Variants in LDAH observed in about 807,000 individuals in gnomAD.
The protein encoded by LDAH is lipid droplet associated hydrolase, also known as lipid droplet-associated hydrolase.
LDAH carries 26 observed loss-of-function variants against 29.6 expected under a neutral mutation model. That is an observed-to-expected ratio of 0.88 (90% confidence interval 0.64 to 1.22). The LOEUF is 1.22. Among genes scored for constraint, LDAH ranks in the 50% most tolerant of loss-of-function variants. The probability of loss-of-function intolerance (pLI) is 0.00; values close to 1 mark genes in which losing one functional copy is unlikely to be tolerated. For missense variants in LDAH, 344 were observed against 387.3 expected, an observed-to-expected ratio of 0.89 and a Z score of 0.94; for synonymous variants, 117 against 133.0, an observed-to-expected ratio of 0.88 and a Z score of 0.83.
At chr2:20,802,056 T>A (rs1014519749) in intron 1 of LDAH, among the ~76,000 whole-genome samples, 1 of 151,582 alleles carries the variant, frequency 6.6e-6, no homozygotes, top group Non-Finnish European at 1.5e-5. Flanking sequence ...TCTATCTATA[T>A]ACACACACAA....
At chr2:20,779,340 G>C (rs899751368) in intron 3 of LDAH, among the ~76,000 whole-genome samples, 2 of 152,044 alleles carry the variant, frequency 1.3e-5, no homozygotes, top group Non-Finnish European at 2.9e-5. Flanking sequence ...ACACATACTA[G>C]GGCTGTTGAG....
intron 4 of LDAH, among the ~76,000 whole-genome samples, chr2:20,768,979 T>C (rs1226871197): frequency 6.6e-6 from 1 of 152,134 alleles, no homozygotes; most frequent in Non-Finnish European, 1.5e-5. Context: ...CTTTCTGCTG[T>C]CCAGAAAATG....
At chr2:20,785,801 T>C (rs1284721979) in intron 3 of LDAH, among the ~76,000 whole-genome samples, 1 of 152,126 alleles carries the variant, frequency 6.6e-6, no homozygotes, top group Non-Finnish European at 1.5e-5. Context: ...TCCAGCCTGC[T>C]GGTGAGTCCA....
At chr2:20,688,828 C>CTTTTT (rs57543886) in intron 6 of LDAH, among the ~76,000 whole-genome samples, 14 of 111,996 alleles carry the variant, frequency 1.3e-4, no homozygotes, top group Non-Finnish European at 1.8e-4. Flanking sequence ...TGGAGGTTTC[C>CTTTTT]TTTTTTTTTT....
At chr2:20,737,506 T>C (rs560362973) in intron 5 of LDAH, among the ~76,000 whole-genome samples, 9 of 152,328 alleles carry the variant, frequency 5.9e-5, no homozygotes, top group African/African-American at 2.2e-4. Flanking sequence ...GAGTTTTACA[T>C]ATATTTGCCA....
intron 5 of LDAH, among the ~76,000 whole-genome samples, chr2:20,736,838 A>G (rs567280066): frequency 6.6e-6 from 1 of 152,256 alleles, no homozygotes; most frequent in South Asian, 2.1e-4. Context: ...TTTTAGTTCA[A>G]GATGGTATTT....
At chr2:20,725,243 T>A (rs1056874464) in intron 5 of LDAH, among the ~76,000 whole-genome samples, 2 of 152,186 alleles carry the variant, frequency 1.3e-5, no homozygotes, top group Non-Finnish European at 2.9e-5. Context: ...AGGAGAATAA[T>A]CATTAGTAAG....
At chr2:20,765,995 A>G (rs1193892365) in intron 4 of LDAH, among the ~76,000 whole-genome samples, 1 of 152,012 alleles carries the variant, frequency 6.6e-6, no homozygotes, top group Non-Finnish European at 1.5e-5. Flanking sequence ...TCCTCCATAT[A>G]TCTACCCCTT....
chr2:20,740,029 T>C lies in LDAH; in HGVS notation c.645A>G (p.Gln215=). Residue 215 remains glutamine, a synonymous_variant, in exon 5 of 7, where the codon CAA becomes CAG. Transcript: ENST00000237822. ...IKSLLIRRGL[Q]VMNLENEFSP... ...AAAATTCATTCTCTAGGTTCATTAC[T>C]TGAAGGCCCCTTCTGATTAGCAAGG... 1 of 1,614,136 alleles carries C rather than the reference T, an allele frequency of 6.2e-7. No individual in the cohort carries two copies. Among genetic ancestry groups the C allele is most frequent in the South Asian group, 1.1e-5 (1 of 91,082 alleles).
intron 3 of LDAH, among the ~76,000 whole-genome samples, chr2:20,783,494 T>C (rs188078820): frequency 2.6e-5 from 4 of 152,332 alleles, no homozygotes; most frequent in African/African-American, 7.2e-5. Context: ...TTGTTAAGGA[T>C]TGTTATGTTT....
intron 6 of LDAH, among the ~76,000 whole-genome samples, chr2:20,688,038 C>T (rs947691396): frequency 1.3e-5 from 2 of 152,232 alleles, no homozygotes; most frequent in Non-Finnish European, 1.5e-5. Context: ...TTCATTCAGA[C>T]ACTGAATTGC....
Position 20,774,987 on chromosome 2 carries a change from C to A in LDAH, c.299-8G>T, listed in dbSNP as rs1268021864. The A allele has an allele frequency of 3.2e-6, 5 of 1,571,716 alleles. No individual in the cohort carries two copies. The highest frequency in any genetic ancestry group is 2.7e-5 in the African/African-American group (2 of 73,144). The stretch of plus-strand genomic sequence containing the variant: ...TTTCTTGAGCGTTTGAATCTAAAAG[C>A]AAAAATATGAGCACGTTTTCATTAA... On this transcript the variant is annotated splice_region_variant and splice_polypyrimidine_tract_variant and intron_variant, in intron 3 of 6. Transcript: ENST00000237822.
At chr2:20,814,030 T>C (rs889195578) in intron 1 of LDAH, among the ~76,000 whole-genome samples, 4 of 152,214 alleles carry the variant, frequency 2.6e-5, no homozygotes, top group African/African-American at 4.8e-5. Context: ...TCTCTACTTC[T>C]AAACCTTTAA....
intron 5 of LDAH, among the ~76,000 whole-genome samples, chr2:20,735,349 T>C (rs899788756): frequency 2.6e-5 from 4 of 152,174 alleles, no homozygotes. Context: ...TAATTTCTAT[T>C]AATCTAATCT....
intron 1 of LDAH, among the ~76,000 whole-genome samples, chr2:20,802,934 G>A (rs565543733): frequency 5.9e-5 from 9 of 152,280 alleles, no homozygotes; most frequent in Admixed American, 5.2e-4. Context: ...GGAAAGGGAG[G>A]GAAGGAGTTT....
At chr2:20,785,918 C>T (rs1290051617) in intron 3 of LDAH, among the ~76,000 whole-genome samples, 1 of 152,158 alleles carries the variant, frequency 6.6e-6, no homozygotes, top group Non-Finnish European at 1.5e-5. Flanking sequence ...TTCTTGCATG[C>T]TGCTTCTTCC....
intron 4 of LDAH, among the ~76,000 whole-genome samples, chr2:20,763,013 C>G (rs1668794750): frequency 6.6e-6 from 1 of 152,172 alleles, no homozygotes; most frequent in Non-Finnish European, 1.5e-5. Context: ...ACATCTGATA[C>G]CATCTTAGAA....
chr2:20,684,853 G>C lies in LDAH; in HGVS notation c.*2050C>G, dbSNP rs1287533425. ...TTCTGGAAAATGGATTTCTTCCACT[G>C]TTTGTCCATTTTAGTCTAATCCCTA... On this transcript the variant is annotated 3_prime_UTR_variant, in exon 7 of 7. Transcript: ENST00000237822. The C allele has an allele frequency of 7.8e-6, 12 of 1,542,232 alleles. No homozygotes were observed. The highest frequency in any genetic ancestry group is 1.4e-5 in the African/African-American group (1 of 72,654).
intron 5 of LDAH, among the ~76,000 whole-genome samples, chr2:20,738,253 A>AAATAAC (rs1326893906): frequency 9.2e-5 from 13 of 141,796 alleles, no homozygotes; most frequent in African/African-American, 3.6e-4. Flanking sequence ...TTCCATCTCA[A>AAATAAC]AATAATAATA....
Sources: allele counts gnomAD v4.1 joint callset (sites outside exome capture counted in the v4.1 genomes callset), GRCh38; gene constraint gnomAD v4.1.1; transcripts MANE v1.5; gene names NCBI Gene and HGNC (gene_info 2026-07-23, HGNC 2026-07-21).